Variants in NDRG3 observed in about 807,000 individuals in gnomAD.
NDRG3 encodes NDRG family member 3.
Under a neutral mutation model 57.2 loss-of-function variants are expected in NDRG3, and 23 were observed. The observed-to-expected ratio is 0.40, with a 90% CI of 0.29 to 0.57. The LOEUF (loss-of-function observed/expected upper bound fraction) is 0.57. Ranked by LOEUF, NDRG3 falls within the 20% of genes least tolerant of loss-of-function variation. The pLI, the probability that NDRG3 is intolerant of heterozygous loss-of-function variation, is 0.42. For missense variants in NDRG3, 384 were observed against 457.3 expected (o/e 0.84, Z 1.46); for synonymous variants, 132 against 162.6 (o/e 0.81, Z 1.43).
chr20:36,713,701 C>T (rs1984056578), intron 2 of NDRG3, among the ~76,000 whole-genome samples: 1 of 152,162 alleles, frequency 6.6e-6, no homozygotes, highest in African/African-American at 2.4e-5. Context: ...ATTCACCATT[C>T]TATTCCTGGT....
At chr20:36,700,560 AG>A (rs1983157168) in intron 3 of NDRG3, 1 of 516,956 alleles carries the variant, frequency 1.9e-6, no homozygotes, top group Non-Finnish European at 3.9e-6. Context: ...AGGCCACTGC[AG>A]GGAGTAACGT....
intron 3 of NDRG3, among the ~76,000 whole-genome samples, chr20:36,695,138 T>C (rs1982666856): frequency 6.6e-6 from 1 of 152,254 alleles, no homozygotes; most frequent in Non-Finnish European, 1.5e-5. Context: ...GAAGATTTCA[T>C]GGACATTTAT....
chr20:36,708,932 G>T (rs1983711989), intron 2 of NDRG3, among the ~76,000 whole-genome samples: 1 of 152,112 alleles, frequency 6.6e-6, no homozygotes, highest in Non-Finnish European at 1.5e-5. Flanking sequence ...CAGCTACTTG[G>T]GAGGCTGAGG....
At chr20:36,719,446 C>G (rs970217724) in intron 2 of NDRG3, among the ~76,000 whole-genome samples, 2 of 146,166 alleles carry the variant, frequency 1.4e-5, no homozygotes, top group African/African-American at 2.5e-5. Flanking sequence ...AAAAAAAAAG[C>G]CTGCAGCTTG....
chr20:36,677,191 G>A (rs1040152087), intron 8 of NDRG3, among the ~76,000 whole-genome samples: 8 of 152,294 alleles, frequency 5.3e-5, no homozygotes, highest in East Asian at 1.9e-4. Flanking sequence ...CCTCCCAGGC[G>A]TAGGACTGGG....
chr20:36,660,651 C>G (rs1471738857), intron 12 of NDRG3, among the ~76,000 whole-genome samples: 1 of 151,634 alleles, frequency 6.6e-6, no homozygotes, highest in Non-Finnish European at 1.5e-5. Context: ...AGCTCCGCCT[C>G]CCGGGTTCAC....
chr20:36,728,736 G>T (rs555472209), intron 1 of NDRG3, among the ~76,000 whole-genome samples: 11 of 151,540 alleles, frequency 7.3e-5, no homozygotes, highest in Non-Finnish European at 1.3e-4. Context: ...TTTTGGGGGG[G>T]AGGTTTTGAG....
intron 1 of NDRG3, among the ~76,000 whole-genome samples, chr20:36,722,640 T>C (rs933093099): frequency 1.3e-5 from 2 of 152,110 alleles, no homozygotes; most frequent in Admixed American, 6.6e-5. Context: ...GCAGTGGGAA[T>C]GAAAGAGGAG....
At chr20:36,739,612 C>T (rs1985816160) in intron 1 of NDRG3, among the ~76,000 whole-genome samples, 1 of 150,558 alleles carries the variant, frequency 6.6e-6, no homozygotes, top group African/African-American at 2.4e-5. Flanking sequence ...TCCTGACCAT[C>T]CTGGCTAACA....
At chr20:36,691,964 G>C (rs190746846) in intron 3 of NDRG3, among the ~76,000 whole-genome samples, 1 of 152,210 alleles carries the variant, frequency 6.6e-6, no homozygotes, top group African/African-American at 2.4e-5. Context: ...TTCTACATAG[G>C]GAGGCACACA....
chr20:36,733,156 AAAAAAAAAAAAAAAAAT>A (rs1365437005), intron 1 of NDRG3, among the ~76,000 whole-genome samples: 2 of 45,188 alleles, frequency 4.4e-5, no homozygotes, highest in African/African-American at 1.2e-4. Flanking sequence ...CAAAAAAAAA[AAAAAAAAAAAAAAAAAT>A]ATATATATAT....
chr20:36,681,635 C>CAA (rs1208145183), intron 7 of NDRG3, among the ~76,000 whole-genome samples: 3,585 of 79,374 alleles, frequency 0.045, 228 homozygotes, highest in African/African-American at 0.15. Flanking sequence ...GACTTCATCT[C>CAA]AAAAAAAAAA....
At chr20:36,669,189 T>C (rs1162778061) in intron 9 of NDRG3, among the ~76,000 whole-genome samples, 1 of 151,762 alleles carries the variant, frequency 6.6e-6, no homozygotes, top group Non-Finnish European at 1.5e-5. Flanking sequence ...CCCGAGTAGC[T>C]GGGATTACAG....
intron 7 of NDRG3, 77 bp downstream of exon 7, chr20:36,682,441 G>A: frequency 1.7e-6 from 2 of 1,186,582 alleles, no homozygotes; most frequent in South Asian, 1.3e-5. Flanking sequence ...ATACTGCCTG[G>A]TCATTTAACA....
At chr20:36,696,126 C>T (rs954918817) in intron 3 of NDRG3, among the ~76,000 whole-genome samples, 1 of 152,088 alleles carries the variant, frequency 6.6e-6, no homozygotes, top group African/African-American at 2.4e-5. Flanking sequence ...GATGGAGTTT[C>T]ACTCTTGTTG....
intron 3 of NDRG3, chr20:36,700,288 C>G (rs1983132967): frequency 3.8e-6 from 1 of 262,754 alleles, no homozygotes; most frequent in Non-Finnish European, 7.5e-6. Context: ...CATGTAACAA[C>G]AAAAGTATCC....
intron 15 of NDRG3, chr20:36,654,911 T>G (rs1978524278): frequency 1.3e-6 from 1 of 776,736 alleles, no homozygotes; most frequent in African/African-American, 1.7e-5. Flanking sequence ...CTCAGCTGCC[T>G]GGTAGACACT....
intron 9 of NDRG3, among the ~76,000 whole-genome samples, chr20:36,669,718 C>G (rs1243212792): frequency 6.6e-6 from 1 of 152,062 alleles, no homozygotes; most frequent in East Asian, 1.9e-4. Context: ...CTGCCTCAGC[C>G]TCCCAGGTAG....
At chr20:36,698,903 T>C (rs1164259773) in intron 3 of NDRG3, among the ~76,000 whole-genome samples, 2 of 152,126 alleles carry the variant, frequency 1.3e-5, no homozygotes, top group African/African-American at 2.4e-5. Flanking sequence ...AGCAACACTA[T>C]AGATTCTGTT....
Sources: allele counts gnomAD v4.1 joint callset (sites outside exome capture counted in the v4.1 genomes callset), GRCh38; gene constraint gnomAD v4.1.1; transcripts MANE v1.5; gene names NCBI Gene and HGNC (gene_info 2026-07-23, HGNC 2026-07-21).